Variants in LRRC36 observed in about 807,000 individuals in gnomAD.
The protein encoded by LRRC36 is leucine-rich repeat-containing protein 36.
A neutral mutation model predicts 81.1 loss-of-function variants in LRRC36; 62 were observed. The observed-to-expected ratio is 0.76, with a 90% CI of 0.62 to 0.94. The LOEUF (loss-of-function observed/expected upper bound fraction) is 0.94. Ranked by LOEUF, LRRC36 falls within the 40% of genes least tolerant of loss-of-function variation. The pLI, the probability that LRRC36 is intolerant of heterozygous loss-of-function variation, is 0.00. For missense variants in LRRC36, 761 were observed against 881.7 expected, an observed-to-expected ratio of 0.86 and a Z score of 1.73; for synonymous variants, 334 against 348.6, an observed-to-expected ratio of 0.96 and a Z score of 0.47.
At chr16:67,366,759 A>AG (rs2039414061) in intron 7 of LRRC36, among the ~76,000 whole-genome samples, 2 of 151,998 alleles carry the variant, frequency 1.3e-5, no homozygotes, top group African/African-American at 4.8e-5. Flanking sequence ...CAAAAAAAAA[A>AG]AAGAAACAGA....
intron 7 of LRRC36, among the ~76,000 whole-genome samples, chr16:67,366,063 A>G (rs1193342712): frequency 1.3e-5 from 2 of 151,884 alleles, no homozygotes; most frequent in African/African-American, 4.8e-5. Context: ...CCTCTATTTC[A>G]CTATCATTCT....
chr16:67,382,315 C>A, intron 13 of LRRC36, 68 bp downstream of exon 13: 1 of 1,163,870 alleles, frequency 8.6e-7, no homozygotes, highest in Non-Finnish European at 1.2e-6. Flanking sequence ...CTTTGTTTTG[C>A]TTGGAAAGTT....
chr16:67,331,613 G>A lies in LRRC36; in HGVS notation c.70+4681G>A, dbSNP rs115268211. 9.8e-3 allele frequency among the ~76,000 whole-genome samples: 1,497 copies of A among 152,268 alleles called. 25 individuals carry two copies. The highest frequency in any genetic ancestry group is 0.034 in the African/African-American group (1,425 of 41,550). On this transcript the variant is annotated intron_variant, in intron 1 of 13. Coordinates refer to ENST00000329956, the MANE Select transcript of LRRC36 (RefSeq NM_018296.6). Reference sequence around the variant, plus strand: ...TCAATGTAAGTTTTAATCCATTATAGTTCTTATCATAATTGATGTTCAGTT... The same window carrying A: ...TCAATGTAAGTTTTAATCCATTATAATTCTTATCATAATTGATGTTCAGTT...
rs546777344 is a variant in LRRC36, at chr16:67,378,590, A to G, written c.1808A>G (p.Glu603Gly). 1 of 1,613,790 alleles carries G rather than the reference A, an allele frequency of 6.2e-7. No individual in the cohort carries two copies. The highest frequency in any genetic ancestry group is 1.1e-5 in the South Asian group (1 of 91,066). The change falls in exon 12 of 14, where the codon GAA becomes GGA. Residue 603 changes from glutamate to glycine, a missense_variant and splice_region_variant. By Grantham distance (98) the Glu-to-Gly change is moderately conservative. Transcript: ENST00000329956. ...TGTATTTTGTTTTCTAATCTAAAGG[A>G]AAGTTTGAAGCAAAAACTGGTCAGA... ...EAAQLVPNDM[E>G]SLKQKLVRVL...
intron 2 of LRRC36, among the ~76,000 whole-genome samples, chr16:67,345,334 T>C (rs1255201888): frequency 7.5e-6 from 1 of 133,004 alleles, no homozygotes; most frequent in African/African-American, 3.9e-5. Flanking sequence ...AAAAAAAGTA[T>C]GCGATTATAC....
At chr16:67,353,265 C>T (rs1408646977) in intron 5 of LRRC36, among the ~76,000 whole-genome samples, 1 of 152,188 alleles carries the variant, frequency 6.6e-6, no homozygotes, top group Non-Finnish European at 1.5e-5. Flanking sequence ...TACCCTGGCC[C>T]AGAATCATGT....
rs761412151 is a variant in LRRC36 at position 67,375,398 on chromosome 16, A to G, written c.1646A>G (p.Asn549Ser). 2.0e-5 allele frequency: 31 copies of G among 1,565,310 alleles called. 1 individual carries two copies. In the East Asian group the frequency reaches 6.9e-4, roughly 35 times the overall value. Residue 549 changes from asparagine to serine, a missense_variant, in exon 10 of 14, where the codon AAC becomes AGC. Coordinates refer to ENST00000329956, the MANE Select transcript of LRRC36 (RefSeq NM_018296.6). Reference sequence around the variant, plus strand: ...AATGGCTCCGGCTCCCTCCTCCTCAACAAGAAGTTTCTCGGTGAGTGAATG... The same window carrying G: ...AATGGCTCCGGCTCCCTCCTCCTCAGCAAGAAGTTTCTCGGTGAGTGAATG... ...HWNGSGSLLL[N>S]KKFLGPARDL... is the part of the protein sequence containing the mutation.
chr16:67,361,460 A>T (rs1427839283), intron 5 of LRRC36, among the ~76,000 whole-genome samples: 7 of 152,166 alleles, frequency 4.6e-5, no homozygotes, highest in African/African-American at 2.4e-5. Context: ...AAATATTGGT[A>T]AAAAAATAAA....
chr16:67,342,543 G>A (rs1441676695), intron 2 of LRRC36, among the ~76,000 whole-genome samples: 1 of 152,160 alleles, frequency 6.6e-6, no homozygotes, highest in Non-Finnish European at 1.5e-5. Context: ...TGAGGAGAAG[G>A]AAGGTGTGGT....
At chr16:67,370,910 G>A in intron 8 of LRRC36, 34 bp from the exon 9 acceptor site, 1 of 1,583,876 alleles carries the variant, frequency 6.3e-7, no homozygotes, top group African/African-American at 1.3e-5. Context: ...GCAGTCAGAG[G>A]GCAGGTTCAT....
intron 5 of LRRC36, among the ~76,000 whole-genome samples, chr16:67,361,420 T>C (rs2039140696): frequency 6.6e-6 from 1 of 152,190 alleles, no homozygotes; most frequent in Non-Finnish European, 1.5e-5. Context: ...TTACTTTTTA[T>C]TTTTAAAATA....
chr16:67,340,442 T>A (rs1567469481), intron 1 of LRRC36, among the ~76,000 whole-genome samples: 1 of 152,038 alleles, frequency 6.6e-6, no homozygotes, highest in Non-Finnish European at 1.5e-5. Context: ...GACTGGTGGA[T>A]CACCTGAGGT....
chr16:67,346,455 CCTT>C lies in LRRC36; in HGVS notation c.391+9_391+11del. The C allele has an allele frequency of 6.5e-7, 1 of 1,547,610 alleles. No individual in the cohort carries two copies. The highest frequency in any genetic ancestry group is 8.8e-7 in the Non-Finnish European group (1 of 1,134,248). ...CAAACTCTGGAGAAATTAGGTAAGA[CCTT>C]CCTTCTCTGTTCCTGTCCACAGAAT... On this transcript the variant is annotated splice_region_variant and intron_variant, in intron 3 of 13. Coordinates refer to ENST00000329956, the MANE Select transcript of LRRC36 (RefSeq NM_018296.6).
At position 67,378,595 on chromosome 16, in the gene LRRC36, T is replaced by G. The variant is rs2039998736; in HGVS notation, c.1813T>G (p.Leu605Val). ...AQLVPNDMES[L>V]KQKLVRVLEE... ...TTTGTTTTCTAATCTAAAGGAAAGTTTGAAGCAAAAACTGGTCAGAGTGCT... is the reference window on the plus strand; with the variant it reads ...TTTGTTTTCTAATCTAAAGGAAAGTGTGAAGCAAAAACTGGTCAGAGTGCT... The change falls in exon 12 of 14, where the codon TTG becomes GTG. Residue 605 changes from leucine (L) to valine (V), a missense_variant. Leu to Val is a conservative substitution (Grantham distance 32). Transcript: ENST00000329956. 6.2e-7 allele frequency: 1 copy of G among 1,613,752 alleles called. No individual in the cohort carries two copies. Among genetic ancestry groups the G allele is most frequent in the Non-Finnish European group, 8.5e-7 (1 of 1,179,858 alleles).
At chr16:67,366,925 GACAGAGAATATGTTCAGTGA>G in intron 7 of LRRC36, 72 bp from the exon 8 acceptor site, 1 of 997,244 alleles carries the variant, frequency 1.0e-6, no homozygotes, top group South Asian at 1.6e-5. Context: ...GTTTCTGGCA[GACAGAGAATATGTTCAGTGA>G]ACAGAGGTAC....
chr16:67,342,061 A>G lies in LRRC36; in HGVS notation c.175A>G (p.Arg59Gly). 6.2e-7 allele frequency: 1 copy of G among 1,609,828 alleles called. No homozygotes were observed. The highest frequency in any genetic ancestry group is 8.5e-7 in the Non-Finnish European group (1 of 1,177,040). Residue 59 changes from arginine to glycine, a missense_variant, in exon 2 of 14, where the codon AGG (arginine) becomes GGG (glycine). By Grantham distance (125) the Arg-to-Gly change is moderately radical. Coordinates refer to ENST00000329956, the MANE Select transcript of LRRC36 (RefSeq NM_018296.6). ...FKNLRSLDLS[R>G]NLITSLKGIQ... Reference sequence around the variant, plus strand: ...AAATCTCCGATCCTTAGATTTATCAAGGAATTTGATCACTAGCCTTAAGGT... The same window carrying G: ...AAATCTCCGATCCTTAGATTTATCAGGGAATTTGATCACTAGCCTTAAGGT...
At chr16:67,362,481 A>G (rs912492345) in intron 5 of LRRC36, among the ~76,000 whole-genome samples, 1 of 152,112 alleles carries the variant, frequency 6.6e-6, no homozygotes, top group African/African-American at 2.4e-5. Flanking sequence ...ATATATATAC[A>G]GAGCCTAAAG....
intron 13 of LRRC36, among the ~76,000 whole-genome samples, chr16:67,383,562 C>T (rs1302559453): frequency 6.6e-6 from 1 of 152,104 alleles, no homozygotes; most frequent in East Asian, 1.9e-4. Flanking sequence ...GGTCTGGGGA[C>T]CACACTTTGA....
intron 1 of LRRC36, among the ~76,000 whole-genome samples, chr16:67,336,240 A>G (rs1001974494): frequency 6.6e-6 from 1 of 152,170 alleles, no homozygotes; most frequent in Non-Finnish European, 1.5e-5. Context: ...CCATTTACCT[A>G]TTGAAGGACA....
Sources: allele counts gnomAD v4.1 joint callset (sites outside exome capture counted in the v4.1 genomes callset), GRCh38; gene constraint gnomAD v4.1.1; transcripts MANE v1.5; gene names NCBI Gene and HGNC (gene_info 2026-07-23, HGNC 2026-07-21).